The following CSMD1 variants were observed in gnomAD, a reference collection of about 807,000 sequenced individuals.
The protein encoded by CSMD1 is CUB and Sushi multiple domains 1, also known as CUB and sushi domain-containing protein 1.
CSMD1 carries 213 observed loss-of-function variants against 417.5 expected under a neutral mutation model. The ratio of observed to expected loss-of-function variants is 0.51; its 90% CI spans 0.46 to 0.57. The LOEUF (loss-of-function observed/expected upper bound fraction) is 0.57, where lower values mean the gene tolerates loss of function less well. Ranked by LOEUF, CSMD1 falls within the 20% of genes least tolerant of loss-of-function variation. The probability of loss-of-function intolerance (pLI) is 0.00; values close to 1 mark genes in which losing one functional copy is unlikely to be tolerated. For synonymous variants in CSMD1, 2,862 were observed against 1,736.8 expected, an observed-to-expected ratio of 1.65 and a Z score of -16.11; for missense variants, 6,923 against 4,529.7, an observed-to-expected ratio of 1.53 and a Z score of -15.17.
At chr8:3,591,420 C>T (rs1291409758) in intron 8 of CSMD1, among the ~76,000 whole-genome samples, 2 of 152,142 alleles carry the variant, frequency 1.3e-5, no homozygotes, top group Non-Finnish European at 2.9e-5. Context: ...GTAATACAAG[C>T]AATTTCTAAA....
intron 17 of CSMD1, among the ~76,000 whole-genome samples, chr8:3,391,492 G>C (rs758529545): frequency 6.6e-5 from 10 of 152,174 alleles, no homozygotes; most frequent in Non-Finnish European, 1.2e-4. Context: ...TCTGGAGCGA[G>C]AATGCAATCG....
At chr8:4,368,776 A>AT (rs1802237140) in intron 3 of CSMD1, among the ~76,000 whole-genome samples, 2 of 151,994 alleles carry the variant, frequency 1.3e-5, no homozygotes, top group African/African-American at 4.8e-5. Flanking sequence ...TACTCTCAGG[A>AT]TTTTTTGTAT....
chr8:3,007,788 G>A (rs1160662893), intron 52 of CSMD1, among the ~76,000 whole-genome samples: 1 of 121,098 alleles, frequency 8.3e-6, no homozygotes, highest in Non-Finnish European at 1.7e-5. Flanking sequence ...GGGGGAGGGG[G>A]GAGGGATAGC....
chr8:3,709,686 T>TTTTTTGTTTG lies in CSMD1; in HGVS notation c.932-1196_932-1195insCAAACAAAAA, dbSNP rs1563296583. On this transcript the variant is annotated intron_variant, in intron 6 of 69. Coordinates refer to ENST00000635120, the MANE Select transcript of CSMD1 (RefSeq NM_033225.6). ...CTTTAAATTGCAGCAGCATGTTTTT[T>TTTTTTGTTTG]TTTTTTTTTTTTTTTTTTTTTTTCC... Among the ~76,000 whole-genome samples the TTTTTTGTTTG allele has an allele frequency of 1.6e-4, 18 of 111,704 alleles. 1 individual carries two copies. Among genetic ancestry groups the TTTTTTGTTTG allele is most frequent in the African/African-American group, 5.1e-4 (16 of 31,356 alleles). 73.3% of individuals were successfully genotyped at this position (111,704 alleles called of 152,430 possible). A position where few individuals can be genotyped will look rare whatever the true frequency, so the allele number is the denominator to read the frequency against.
At chr8:3,876,294 A>G (rs1340976130) in intron 5 of CSMD1, among the ~76,000 whole-genome samples, 2 of 152,138 alleles carry the variant, frequency 1.3e-5, no homozygotes, top group South Asian at 2.1e-4. Context: ...AGTTTTTAGA[A>G]TTAGTATGGG....
In CSMD1 at chr8:4,407,687, T is replaced by C. The variant is rs1796397446; in HGVS notation, c.415+12266A>G. On this transcript the variant is annotated intron_variant, in intron 3 of 69. Coordinates refer to ENST00000635120, the MANE Select transcript of CSMD1 (RefSeq NM_033225.6). ...TTGTGAACTTCATACAAATTTAAATTTGTTATCACGATATTCATAAATAGC... is the reference window on the plus strand; with the variant it reads ...TTGTGAACTTCATACAAATTTAAATCTGTTATCACGATATTCATAAATAGC... Among the ~76,000 whole-genome samples, 4 of 152,194 alleles carry C rather than the reference T, an allele frequency of 2.6e-5. No homozygotes were observed. In the South Asian group the frequency reaches 8.3e-4, roughly 32 times the overall value.
chr8:3,724,140 T>C lies in CSMD1; in HGVS notation c.932-15649A>G, dbSNP rs1318722668. ...TATGAGAAACCAGCCTCTTTCACCA[T>C]GCCAGACGTTAAAAAGTTTTGCAAA... On this transcript the variant is annotated intron_variant, in intron 6 of 69. Transcript: ENST00000635120. Among the ~76,000 whole-genome samples the C allele has an allele frequency of 3.9e-5, 2 of 51,602 alleles. 1 individual carries two copies. Among genetic ancestry groups the C allele is most frequent in the African/African-American group, 7.0e-5 (2 of 28,570 alleles). The allele number at this position is 51,602 out of a possible 152,430, so 33.9% of individuals were successfully genotyped here.
intron 3 of CSMD1, among the ~76,000 whole-genome samples, chr8:4,282,791 A>G (rs966828656): frequency 4.6e-5 from 7 of 152,306 alleles, no homozygotes; most frequent in African/African-American, 1.4e-4. Context: ...TAGTAATTAC[A>G]CTTCATAATG....
intron 5 of CSMD1, among the ~76,000 whole-genome samples, chr8:3,923,950 G>C (rs561033783): frequency 1.3e-5 from 2 of 152,110 alleles, no homozygotes; most frequent in African/African-American, 4.8e-5. Context: ...CATTATTACA[G>C]TATTAGAATA....
At position 4,489,471 on chromosome 8, in the gene CSMD1, G is replaced by A. The variant is rs141763410; in HGVS notation, c.303-69406C>T. On this transcript the variant is annotated intron_variant, in intron 2 of 69. Coordinates refer to ENST00000635120, the MANE Select transcript of CSMD1 (RefSeq NM_033225.6). Reference sequence around the variant, plus strand: ...AAAACTATAAAATGGGTGCTGAGGGGAACACCATATGCCCCACCAGAAACG... The same window carrying A: ...AAAACTATAAAATGGGTGCTGAGGGAAACACCATATGCCCCACCAGAAACG... Among the ~76,000 whole-genome samples, 14 of 152,270 alleles carry A rather than the reference G, an allele frequency of 9.2e-5. No homozygotes were observed. In the East Asian group the frequency reaches 2.5e-3, roughly 27 times the overall value.
chr8:4,428,561 A>G (rs1797694473), intron 2 of CSMD1, among the ~76,000 whole-genome samples: 1 of 152,146 alleles, frequency 6.6e-6, no homozygotes, highest in South Asian at 2.1e-4. Context: ...TTTTCCTACA[A>G]TAAACTTGCA....
chr8:4,955,188 C>G (rs6558948), intron 1 of CSMD1, among the ~76,000 whole-genome samples: 1 of 152,062 alleles, frequency 6.6e-6, no homozygotes, highest in African/African-American at 2.4e-5. Flanking sequence ...GGGCTGTTCC[C>G]GTTGGCTTCT....
At chr8:3,315,989 G>C (rs766532854) in intron 23 of CSMD1, among the ~76,000 whole-genome samples, 1 of 152,166 alleles carries the variant, frequency 6.6e-6, no homozygotes, top group Non-Finnish European at 1.5e-5. Context: ...AGACGTCTCA[G>C]TGAAATAATT....
At chr8:4,155,343 C>T (rs189553229) in intron 3 of CSMD1, among the ~76,000 whole-genome samples, 5 of 152,226 alleles carry the variant, frequency 3.3e-5, no homozygotes, top group African/African-American at 1.2e-4. Flanking sequence ...GCATGACTCC[C>T]GCAGGGTAAA....
intron 3 of CSMD1, among the ~76,000 whole-genome samples, chr8:4,388,603 T>C (rs1408396236): frequency 6.6e-6 from 1 of 152,020 alleles, no homozygotes; most frequent in Non-Finnish European, 1.5e-5. Context: ...GTACAGTGTA[T>C]ACTGCTCAGG....
intron 2 of CSMD1, among the ~76,000 whole-genome samples, chr8:4,440,059 A>G (rs1290469956): frequency 6.6e-6 from 1 of 152,170 alleles, no homozygotes; most frequent in Non-Finnish European, 1.5e-5. Flanking sequence ...GCAGTGATCA[A>G]CAGTTTAAAA....
At chr8:4,491,758 A>C (rs992917377) in intron 2 of CSMD1, among the ~76,000 whole-genome samples, 1 of 152,112 alleles carries the variant, frequency 6.6e-6, no homozygotes, top group Non-Finnish European at 1.5e-5. Flanking sequence ...AGGAAGGCTC[A>C]CTCACTGCTG....
intron 28 of CSMD1, among the ~76,000 whole-genome samples, chr8:3,222,306 T>A (rs1306389371): frequency 6.7e-6 from 1 of 148,866 alleles, no homozygotes; most frequent in Non-Finnish European, 1.5e-5. Context: ...CTAACAAGGT[T>A]TTGTGTTCAA....
intron 1 of CSMD1, among the ~76,000 whole-genome samples, chr8:4,666,972 T>C (rs1352805126): frequency 1.3e-5 from 2 of 152,196 alleles, no homozygotes; most frequent in African/African-American, 4.8e-5. Flanking sequence ...ATGTAATTTT[T>C]ATTCCTTTAG....
Sources: gnomAD v4.1 joint callset for allele counts (sites outside exome capture counted in the v4.1 genomes callset) on GRCh38, gnomAD v4.1.1 for gene constraint, MANE v1.5 for transcripts, NCBI Gene and HGNC (gene_info 2026-07-23, HGNC 2026-07-21) for gene names.